The following ZDHHC3 variants were observed in gnomAD, a reference collection of about 807,000 sequenced individuals.
The protein encoded by ZDHHC3 is palmitoyltransferase ZDHHC3.
Under a neutral mutation model 30.6 loss-of-function variants are expected in ZDHHC3, and 9 were observed. That is an observed-to-expected ratio of 0.29 (90% CI 0.18 to 0.51). ZDHHC3 has a LOEUF of 0.51. Among genes scored for constraint, ZDHHC3 ranks in the 20% least tolerant of loss-of-function variants. The pLI is 0.97. For missense variants in ZDHHC3, 246 were observed against 384.2 expected, an observed-to-expected ratio of 0.64 and a Z score of 3.01; for synonymous variants, 136 against 140.2, an observed-to-expected ratio of 0.97 and a Z score of 0.21.
intron 3 of ZDHHC3, chr3:44,937,680 T>G (rs574642929): frequency 6.4e-6 from 1 of 157,332 alleles, no homozygotes; most frequent in East Asian, 1.9e-4. Context: ...ACCATGCTGC[T>G]GAAGTTCGAC....
intron 1 of ZDHHC3, among the ~76,000 whole-genome samples, chr3:44,960,206 G>A (rs1011369800): frequency 6.6e-6 from 1 of 152,194 alleles, no homozygotes; most frequent in African/African-American, 2.4e-5. Context: ...AGAGTTCAAA[G>A]ATGTTTTCCT....
Position 44,926,587 on chromosome 3 carries a change from G to A in ZDHHC3, c.*102C>T. ...TTGAGACATAAAAAAAGTTTTAAGA[G>A]TAGTTGTTTTGCTTTTTCGATTTAA... On this transcript the variant is annotated 3_prime_UTR_variant, in exon 7 of 7. Transcript: ENST00000424952. 1.5e-6 allele frequency: 2 copies of A among 1,297,044 alleles called. No individual in the cohort carries two copies. The highest frequency in any genetic ancestry group is 2.9e-5 in the East Asian group (1 of 34,066). 80.3% of individuals were successfully genotyped at this position (1,297,044 alleles called of 1,614,324 possible).
intron 1 of ZDHHC3, among the ~76,000 whole-genome samples, chr3:44,967,472 C>T (rs1489718706): frequency 6.6e-6 from 1 of 152,068 alleles, no homozygotes; most frequent in Non-Finnish European, 1.5e-5. Context: ...TCACTGGAGC[C>T]CAGGAGTTAG....
chr3:44,966,149 C>T (rs548584913), intron 1 of ZDHHC3, among the ~76,000 whole-genome samples: 13 of 152,324 alleles, frequency 8.5e-5, no homozygotes, highest in Admixed American at 4.6e-4. Flanking sequence ...AGGGATTAAA[C>T]TTTCTGGCTC....
At chr3:44,963,165 C>G (rs922066108) in intron 1 of ZDHHC3, among the ~76,000 whole-genome samples, 4 of 152,196 alleles carry the variant, frequency 2.6e-5, no homozygotes, top group African/African-American at 4.8e-5. Flanking sequence ...TGGACTGACT[C>G]TTACTCAAGT....
Position 44,923,028 on chromosome 3 carries a change from C to T in ZDHHC3, c.*3661G>A. ...GCTGAGAAAGCCCATCCCAGCCCAC[C>T]CGGAGAGGAGTTTCTGTGTAATGCC... On this transcript the variant is annotated 3_prime_UTR_variant, in exon 7 of 7. Coordinates refer to ENST00000424952, the MANE Select transcript of ZDHHC3 (RefSeq NM_001135179.2). The T allele has an allele frequency of 1.0e-6, 1 of 985,000 alleles. No homozygotes were observed. Among genetic ancestry groups the T allele is most frequent in the Non-Finnish European group, 1.2e-6 (1 of 829,882 alleles). The allele number at this position is 985,000 out of a possible 1,614,324, so 61.0% of individuals were successfully genotyped here.
chr3:44,926,709 G>T lies in ZDHHC3; in HGVS notation c.880C>A (p.Pro294Thr). The change falls in exon 7 of 7, where the codon CCG becomes ACG. Residue 294 changes from proline (P) to threonine (T), a missense_variant. Pro to Thr is a conservative substitution (Grantham distance 38). Transcript: ENST00000424952. ...GTCCTTCAGACCACATACTGGTACG[G>T]GTCTGCCTTCCCTTGGTCTGGCGTG... ...FATPDQGKAD[P>T]YQYVV The T allele has an allele frequency of 6.2e-7, 1 of 1,611,690 alleles. No homozygotes were observed. Among genetic ancestry groups the T allele is most frequent in the Non-Finnish European group, 8.5e-7 (1 of 1,179,238 alleles).
Position 44,959,409 on chromosome 3 carries a change from G to A in ZDHHC3, c.28C>T (p.Arg10Ter), listed in dbSNP as rs750072750. 2.8e-5 allele frequency: 45 copies of A among 1,614,016 alleles called. No homozygotes were observed. Among genetic ancestry groups the A allele is most frequent in the African/African-American group, 4.0e-5 (3 of 74,936 alleles). ...TATTCTGGTTTCCGCTCAATGTTTC[G>A]GAAGTGGTGGGTGGGGATAAGCATC... MMLIPTHHF[R>*]NIERKPEYLQ... Residue 10 changes from arginine (R) to a stop codon, truncating the protein, a stop_gained, in exon 2 of 7, where the codon CGA becomes TGA. Coordinates refer to ENST00000424952, the MANE Select transcript of ZDHHC3 (RefSeq NM_001135179.2). LOFTEE classifies it high-confidence loss of function. This position sits in a 1 kb window ranked among gnomAD's most constrained non-coding sequence, Gnocchi z 4.3.
chr3:44,948,903 G>T (rs533796724), intron 2 of ZDHHC3, among the ~76,000 whole-genome samples: 2 of 152,220 alleles, frequency 1.3e-5, no homozygotes, highest in Non-Finnish European at 2.9e-5. Context: ...GAGCAATGAC[G>T]TGCTTCCCCA....
intron 5 of ZDHHC3, among the ~76,000 whole-genome samples, chr3:44,932,501 C>T (rs1399318122): frequency 6.6e-6 from 1 of 152,190 alleles, no homozygotes; most frequent in African/African-American, 2.4e-5. Context: ...ATTTCTTTTC[C>T]TCCAGCATCT....
At chr3:44,969,156 C>G (rs1422297993) in intron 1 of ZDHHC3, among the ~76,000 whole-genome samples, 1 of 152,196 alleles carries the variant, frequency 6.6e-6, no homozygotes, top group Admixed American at 6.5e-5. Context: ...CCCTTGTAAT[C>G]CAGTGCATGA....
chr3:44,952,425 T>C (rs1219359071), intron 2 of ZDHHC3, among the ~76,000 whole-genome samples: 1 of 152,184 alleles, frequency 6.6e-6, no homozygotes, highest in Non-Finnish European at 1.5e-5. Context: ...TGCAACCCAC[T>C]TCTATCCTTT....
intron 1 of ZDHHC3, among the ~76,000 whole-genome samples, chr3:44,966,960 C>T (rs1177649205): frequency 6.6e-6 from 1 of 152,196 alleles, no homozygotes; most frequent in Non-Finnish European, 1.5e-5. Flanking sequence ...TCCAGACAGG[C>T]AGAGTGAGCT....
rs542204822 is a variant in ZDHHC3, at chr3:44,958,548, C to T, written c.306+583G>A. 112 of 1,516,388 alleles carry T rather than the reference C, an allele frequency of 7.4e-5. No individual in the cohort carries two copies. In the African/African-American group the frequency reaches 1.3e-3, roughly 18 times the overall value. 93.9% of individuals were successfully genotyped at this position (1,516,388 alleles called of 1,614,324 possible). ...CGCAGCTTGGCATATTTAGCTAAGT[C>T]ATTGAGCAGAACACTACTGCTTTAC... On this transcript the variant is annotated intron_variant, in intron 2 of 6. Transcript: ENST00000424952.
In ZDHHC3 at chr3:44,921,053, G is replaced by C. The variant is rs1700554749; in HGVS notation, c.*5636C>G. On this transcript the variant is annotated 3_prime_UTR_variant, in exon 7 of 7. Coordinates refer to ENST00000424952, the MANE Select transcript of ZDHHC3 (RefSeq NM_001135179.2). ...GCAGTAATAGTAGCTTCAGGCTCAAGAGAACGAACAAAAATGGTTGATGCC... is the reference window on the plus strand; with the variant it reads ...GCAGTAATAGTAGCTTCAGGCTCAACAGAACGAACAAAAATGGTTGATGCC... 1 of 985,334 alleles carries C rather than the reference G, an allele frequency of 1.0e-6. No homozygotes were observed. Among genetic ancestry groups the C allele is most frequent in the South Asian group, 4.7e-5 (1 of 21,292 alleles). The allele number at this position is 985,334 out of a possible 1,614,324, so 61.0% of individuals were successfully genotyped here.
intron 1 of ZDHHC3, among the ~76,000 whole-genome samples, chr3:44,971,482 C>G (rs1705398894): frequency 6.6e-6 from 1 of 152,158 alleles, no homozygotes; most frequent in African/African-American, 2.4e-5. Context: ...TTTTAAAATG[C>G]AAAACAGGAA....
Position 44,923,625 on chromosome 3 carries a change from G to T in ZDHHC3, c.*3064C>A. On this transcript the variant is annotated 3_prime_UTR_variant, in exon 7 of 7. Coordinates refer to ENST00000424952, the MANE Select transcript of ZDHHC3 (RefSeq NM_001135179.2). The stretch of plus-strand genomic sequence containing the variant: ...GAGACTAGCTAGGGCAACACAGTGA[G>T]ACCCTGACTCTATTAAAAAACAAAA... 1 of 879,810 alleles carries T rather than the reference G, an allele frequency of 1.1e-6. No homozygotes were observed. Among genetic ancestry groups the T allele is most frequent in the Non-Finnish European group, 1.4e-6 (1 of 733,880 alleles). The allele number at this position is 879,810 out of a possible 1,614,324, so 54.5% of individuals were successfully genotyped here.
chr3:44,945,799 C>T (rs898266431), intron 2 of ZDHHC3, among the ~76,000 whole-genome samples: 1 of 152,062 alleles, frequency 6.6e-6, no homozygotes, highest in Non-Finnish European at 1.5e-5. Flanking sequence ...CCTTGTGATC[C>T]GCCCGCCTCA....
chr3:44,936,593 A>C (rs1412675467), intron 3 of ZDHHC3, among the ~76,000 whole-genome samples: 4 of 152,182 alleles, frequency 2.6e-5, no homozygotes, highest in Non-Finnish European at 2.9e-5. Context: ...CAGCAAAGAC[A>C]CAGAATCAAC....
Sources: allele counts gnomAD v4.1 joint callset (sites outside exome capture counted in the v4.1 genomes callset), GRCh38; gene constraint gnomAD v4.1.1; non-coding constraint Gnocchi (gnomAD v3.1); transcripts MANE v1.5; gene names NCBI Gene and HGNC (gene_info 2026-07-23, HGNC 2026-07-21).